The following PDE1A variants were observed in gnomAD, a reference collection of about 807,000 sequenced individuals.
The protein encoded by PDE1A is phosphodiesterase 1A.
PDE1A carries 35 observed loss-of-function variants against 61.7 expected under a neutral mutation model. The observed-to-expected ratio is 0.57, with a 90% CI of 0.43 to 0.75. PDE1A has a LOEUF of 0.75. Among genes scored for constraint, PDE1A ranks in the 30% least tolerant of loss-of-function variants. The pLI, the probability that PDE1A is intolerant of heterozygous loss-of-function variation, is 0.00. For missense variants in PDE1A, 597 were observed against 630.6 expected (o/e 0.95, Z 0.57); for synonymous variants, 232 against 213.2 (o/e 1.09, Z -0.77).
intron 13 of PDE1A, among the ~76,000 whole-genome samples, chr2:182,155,340 C>A (rs936974466): frequency 3.3e-5 from 5 of 152,058 alleles, no homozygotes. Context: ...CTGCTCATCT[C>A]GGCCTCCAGT....
At position 182,423,465 on chromosome 2, in the gene PDE1A, C is replaced by T. The variant is rs78291093; in HGVS notation, c.53+3113G>A. On this transcript the variant is annotated intron_variant, in intron 1 of 13. Transcript: ENST00000351439. ...TCAACGTTCACCATCTACTCCAAAA[C>T]CTCTCAGTAACTTTTTCCACTTGAT... Among the ~76,000 whole-genome samples, 835 of 152,242 alleles carry T rather than the reference C, an allele frequency of 5.5e-3. 6 individuals are homozygous for T. The highest frequency in any genetic ancestry group is 0.019 in the African/African-American group (785 of 41,528).
the PDE1A span, among the ~76,000 whole-genome samples, chr2:182,570,836 A>T: frequency 6.6e-6 from 1 of 152,206 alleles, no homozygotes; most frequent in Non-Finnish European, 1.5e-5. Context: ...GAAAAGCTGT[A>T]TGAGAAAATG....
intron 2 of PDE1A, among the ~76,000 whole-genome samples, chr2:182,465,105 T>C (rs1403195136): frequency 1.3e-5 from 2 of 152,144 alleles, no homozygotes; most frequent in South Asian, 4.1e-4. Context: ...TTTACAATTA[T>C]AAAAAATAAA....
chr2:182,503,086 C>A (rs993019015), intron 2 of PDE1A, among the ~76,000 whole-genome samples: 53 of 138,564 alleles, frequency 3.8e-4, no homozygotes, highest in African/African-American at 1.3e-3. Context: ...CACACACACA[C>A]AGCATTGTGC....
At chr2:182,701,389 C>CTT in the PDE1A span, among the ~76,000 whole-genome samples, 7 of 139,096 alleles carry the variant, frequency 5.0e-5, no homozygotes, top group South Asian at 2.3e-4. Flanking sequence ...GTTTGCTTAA[C>CTT]TTTTTTTTTT....
intron 1 of PDE1A, among the ~76,000 whole-genome samples, chr2:182,425,252 T>C (rs1289957114): frequency 6.6e-6 from 1 of 152,198 alleles, no homozygotes; most frequent in African/African-American, 2.4e-5. Flanking sequence ...CTCACTGGTG[T>C]TGAGTTTAGA....
At chr2:182,182,037 C>T (rs1165831119) in intron 13 of PDE1A, among the ~76,000 whole-genome samples, 3 of 152,102 alleles carry the variant, frequency 2.0e-5, no homozygotes, top group Non-Finnish European at 4.4e-5. Context: ...CTTTATTTTG[C>T]AGTCATGAAC....
At chr2:182,458,435 C>A (rs1255636403) in intron 2 of PDE1A, among the ~76,000 whole-genome samples, 1 of 151,942 alleles carries the variant, frequency 6.6e-6, no homozygotes, top group East Asian at 1.9e-4. Flanking sequence ...CATTCTAACT[C>A]AGGATGGGAA....
At chr2:182,618,468 A>T in the PDE1A span, among the ~76,000 whole-genome samples, 1 of 152,100 alleles carries the variant, frequency 6.6e-6, no homozygotes, top group African/African-American at 2.4e-5. Flanking sequence ...GGAGGAAGTA[A>T]AAGAGTTTGA....
At position 182,212,319 on chromosome 2, in the gene PDE1A, CATAT is replaced by C. The variant is rs371490736; in HGVS notation, c.777-6258_777-6255del. 5.3e-3 allele frequency among the ~76,000 whole-genome samples: 813 copies of C among 152,002 alleles called. 4 individuals are homozygous for C. Among genetic ancestry groups the C allele is most frequent in the African/African-American group, 0.018 (738 of 41,472 alleles). ...GGAATGGCTAACTCAGGCTAATTAA[CATAT>C]GTGTTACTTCACAATTTACCATTTT... On this transcript the variant is annotated intron_variant, in intron 7 of 13. Coordinates refer to ENST00000351439, the Ensembl canonical transcript of PDE1A.
chr2:182,588,082 T>C, the PDE1A span, among the ~76,000 whole-genome samples: 9 of 152,178 alleles, frequency 5.9e-5, no homozygotes, highest in Non-Finnish European at 1.2e-4. Flanking sequence ...GGATGAAAAA[T>C]TGGTAGCATT....
At chr2:182,349,856 C>T (rs1254339406) in intron 1 of PDE1A, among the ~76,000 whole-genome samples, 2 of 151,946 alleles carry the variant, frequency 1.3e-5, no homozygotes, top group East Asian at 1.9e-4. Flanking sequence ...TAACAGTAGG[C>T]GAGTAGCAGT....
rs969507252 is a variant in PDE1A, at chr2:182,247,872, T to C, written c.168-7580A>G. Among the ~76,000 whole-genome samples, 19 of 152,226 alleles carry C rather than the reference T, an allele frequency of 1.2e-4. 1 individual carries two copies. Among genetic ancestry groups the C allele is most frequent in the Admixed American group, 5.9e-4 (9 of 15,282 alleles). On this transcript the variant is annotated intron_variant, in intron 2 of 13. Transcript: ENST00000351439. ...AAAATAGGATCTCAACTATCATAGT[T>C]AATTTTGTTTTACAAACATCTAATA...
intron 1 of PDE1A, among the ~76,000 whole-genome samples, chr2:182,375,787 T>C (rs1163006478): frequency 1.3e-5 from 2 of 152,246 alleles, no homozygotes; most frequent in Non-Finnish European, 2.9e-5. Context: ...AACTTCTGCC[T>C]GGGCATCCAG....
chr2:182,354,213 A>T (rs987839417), intron 1 of PDE1A, among the ~76,000 whole-genome samples: 15 of 152,134 alleles, frequency 9.9e-5, no homozygotes, highest in African/African-American at 3.6e-4. Context: ...CAGCATAATC[A>T]ATCCTATCCT....
intron 1 of PDE1A, among the ~76,000 whole-genome samples, chr2:182,382,875 G>T (rs1292102182): frequency 6.6e-6 from 1 of 152,064 alleles, no homozygotes; most frequent in Non-Finnish European, 1.5e-5. Flanking sequence ...TTTTGTGTAA[G>T]TTAATAATTA....
At chr2:182,231,551 T>C (rs1689581400) in intron 4 of PDE1A, among the ~76,000 whole-genome samples, 1 of 150,884 alleles carries the variant, frequency 6.6e-6, no homozygotes, top group Admixed American at 6.6e-5. Flanking sequence ...ACTCACTTGC[T>C]ACATTGCTTG....
intron 2 of PDE1A, among the ~76,000 whole-genome samples, chr2:182,264,065 T>C (rs1290317884): frequency 3.0e-4 from 46 of 152,226 alleles, no homozygotes; most frequent in Non-Finnish European, 2.9e-5. Context: ...TTCACTTTAG[T>C]GTTTGACTAT....
intron 1 of PDE1A, among the ~76,000 whole-genome samples, chr2:182,331,225 C>G (rs142003943): frequency 1.3e-5 from 2 of 152,276 alleles, no homozygotes; most frequent in African/African-American, 4.8e-5. Flanking sequence ...GAGGAAATTA[C>G]TTAACTTTTC....
Sources: allele counts gnomAD v4.1 joint callset (sites outside exome capture counted in the v4.1 genomes callset), GRCh38; gene constraint gnomAD v4.1.1; transcripts MANE v1.5; gene names NCBI Gene and HGNC (gene_info 2026-07-23, HGNC 2026-07-21).